GPM6A: variants seen among roughly 807,000 people sequenced by gnomAD.
GPM6A encodes the protein glycoprotein M6A.
In GPM6A, 7 loss-of-function variants were observed where a neutral mutation model predicts 32.1. That is an observed-to-expected ratio of 0.22 (90% confidence interval 0.12 to 0.41). GPM6A has a LOEUF of 0.41. Ranked by LOEUF, GPM6A falls within the 10% of genes least tolerant of loss-of-function variation. The pLI is 1.00. For missense variants in GPM6A, 235 were observed against 347.2 expected, an observed-to-expected ratio of 0.68 and a Z score of 2.57; for synonymous variants, 130 against 123.4, an observed-to-expected ratio of 1.05 and a Z score of -0.35.
rs545827912 is a variant in GPM6A, at chr4:175,765,688, C to A, written c.37+46503G>T. The stretch of plus-strand genomic sequence containing the variant: ...CTCTTTGTTTCAAATCTTTTAGAGA[C>A]TTCCTGCTACTATTAAAATAAAAAC... On this transcript the variant is annotated intron_variant, in intron 1 of 6. Coordinates refer to ENST00000393658, the MANE Select transcript of GPM6A (RefSeq NM_201591.3). Among the ~76,000 whole-genome samples the A allele has an allele frequency of 4.6e-5, 7 of 152,148 alleles. No homozygotes were observed. In the South Asian group the frequency reaches 1.4e-3, roughly 32 times the overall value.
intron 1 of GPM6A, among the ~76,000 whole-genome samples, chr4:175,879,243 C>G (rs1737187724): frequency 6.6e-6 from 1 of 152,136 alleles, no homozygotes; most frequent in South Asian, 2.1e-4. Context: ...TCAAACTGTT[C>G]CAACCTCTGC....
At chr4:175,952,978 C>T (rs913972431) in intron 1 of GPM6A, among the ~76,000 whole-genome samples, 7 of 147,800 alleles carry the variant, frequency 4.7e-5, no homozygotes, top group Admixed American at 1.4e-4. Context: ...TGCAGTGAGC[C>T]AAGATCACAC....
chr4:175,979,400 G>T (rs923975590), intron 1 of GPM6A, among the ~76,000 whole-genome samples: 33 of 152,174 alleles, frequency 2.2e-4, no homozygotes, highest in Non-Finnish European at 2.9e-5. Context: ...CTAAAGCAGA[G>T]TCAAAAGTAA....
At chr4:175,864,123 A>C (rs1288786177) in intron 1 of GPM6A, among the ~76,000 whole-genome samples, 1 of 152,122 alleles carries the variant, frequency 6.6e-6, no homozygotes, top group Non-Finnish European at 1.5e-5. Context: ...TTACATTTGC[A>C]TTTCCCTAAT....
intron 1 of GPM6A, among the ~76,000 whole-genome samples, chr4:175,802,348 TAG>T (rs1484596970): frequency 6.6e-6 from 1 of 151,988 alleles, no homozygotes; most frequent in Non-Finnish European, 1.5e-5. Context: ...ACCAAAATTG[TAG>T]AGAGAATATG....
At chr4:175,650,123 C>T (rs1941148950) in intron 4 of GPM6A, among the ~76,000 whole-genome samples, 1 of 152,024 alleles carries the variant, frequency 6.6e-6, no homozygotes, top group Admixed American at 6.6e-5. Context: ...TTCCCTCTTG[C>T]CAAGAACGTC....
At chr4:175,755,690 A>G (rs1475088817) in intron 1 of GPM6A, among the ~76,000 whole-genome samples, 1 of 152,198 alleles carries the variant, frequency 6.6e-6, no homozygotes. Context: ...CTGCAAGCCC[A>G]ACAGACAATT....
At chr4:175,675,122 T>G (rs1387901600) in intron 2 of GPM6A, among the ~76,000 whole-genome samples, 1 of 152,024 alleles carries the variant, frequency 6.6e-6, no homozygotes, top group Non-Finnish European at 1.5e-5. Flanking sequence ...TCCCATGTTT[T>G]GAAAACATTC....
chr4:175,743,020 G>A (rs1731951051), intron 1 of GPM6A, among the ~76,000 whole-genome samples: 1 of 152,010 alleles, frequency 6.6e-6, no homozygotes, highest in Non-Finnish European at 1.5e-5. Flanking sequence ...ATTATTTCAA[G>A]TGTTAAAATA....
At chr4:175,953,030 T>TAAAAAAAAAAAA (rs376944274) in intron 1 of GPM6A, among the ~76,000 whole-genome samples, 2 of 135,452 alleles carry the variant, frequency 1.5e-5, no homozygotes, top group African/African-American at 5.4e-5. Flanking sequence ...ACCCTGTTTT[T>TAAAAAAAAAAAA]AAAAAAAAAA....
intron 6 of GPM6A, among the ~76,000 whole-genome samples, chr4:175,639,409 G>A (rs1345325380): frequency 6.6e-6 from 1 of 152,082 alleles, no homozygotes; most frequent in African/African-American, 2.4e-5. Context: ...TGTCACAGTC[G>A]TGAGGTTACT....
intron 1 of GPM6A, among the ~76,000 whole-genome samples, chr4:175,925,193 G>A (rs1464272513): frequency 3.3e-5 from 5 of 152,116 alleles, no homozygotes; most frequent in Non-Finnish European, 5.9e-5. Flanking sequence ...AGATGGTAAC[G>A]GAATACAATG....
chr4:175,886,231 T>C lies in GPM6A; in HGVS notation c.-22-73982A>G, dbSNP rs887212509. Among the ~76,000 whole-genome samples the C allele has an allele frequency of 2.6e-5, 4 of 152,142 alleles. No homozygotes were observed. The East Asian group carries it at 5.8e-4, about 22-fold the overall frequency. Reference sequence around the variant, plus strand: ...AACTGTACTCGTTATAGGAAATTACTAGATATCAAAACGACCTTAAAAGCA... The same window carrying C: ...AACTGTACTCGTTATAGGAAATTACCAGATATCAAAACGACCTTAAAAGCA... On this transcript the variant is annotated intron_variant, in intron 1 of 7. Coordinates refer to the GPM6A transcript ENST00000280187.
chr4:175,807,656 C>T (rs1337069456), intron 1 of GPM6A: 1 of 152,188 alleles, frequency 6.6e-6, no homozygotes, highest in Non-Finnish European at 1.5e-5. Context: ...AGATTGGCTG[C>T]CCTTGAAAAA....
intron 1 of GPM6A, among the ~76,000 whole-genome samples, chr4:175,821,980 T>C (rs1322215858): frequency 3.3e-5 from 5 of 152,132 alleles, no homozygotes; most frequent in Non-Finnish European, 7.4e-5. Flanking sequence ...AATTGAGCAG[T>C]GATTTTAAAA....
intron 1 of GPM6A, among the ~76,000 whole-genome samples, chr4:175,706,799 A>G (rs1579407875): frequency 1.3e-5 from 2 of 152,236 alleles, no homozygotes; most frequent in Admixed American, 6.5e-5. Flanking sequence ...GTAGGTCAGC[A>G]TAAGATACAG....
intron 2 of GPM6A, among the ~76,000 whole-genome samples, chr4:175,699,056 C>A (rs1744729387): frequency 6.6e-6 from 1 of 152,024 alleles, no homozygotes; most frequent in South Asian, 2.1e-4. Context: ...GTAAATTTAG[C>A]AATTTGGATG....
At chr4:175,994,502 A>G (rs559102973) in intron 1 of GPM6A, among the ~76,000 whole-genome samples, 1 of 152,204 alleles carries the variant, frequency 6.6e-6, no homozygotes, top group Non-Finnish European at 1.5e-5. Flanking sequence ...TAAATTCTAT[A>G]AAGTGTGCAA....
chr4:175,986,729 C>T (rs11929741), intron 1 of GPM6A, among the ~76,000 whole-genome samples: 19,141 of 151,806 alleles, frequency 0.13, 1,307 homozygotes, highest in East Asian at 0.24. Context: ...ATCTTATTTC[C>T]CCAGCAAATA....
Sources: allele counts gnomAD v4.1 joint callset (sites outside exome capture counted in the v4.1 genomes callset), GRCh38; gene constraint gnomAD v4.1.1; transcripts MANE v1.5; gene names NCBI Gene and HGNC (gene_info 2026-07-23, HGNC 2026-07-21).